Variants in SEC14L5 observed in about 807,000 individuals in gnomAD.
The protein encoded by SEC14L5 is SEC14-like protein 5.
A neutral mutation model predicts 84.6 loss-of-function variants in SEC14L5; 96 were observed. The ratio of observed to expected loss-of-function variants is 1.13; its 90% CI spans 0.96 to 1.34. The LOEUF (loss-of-function observed/expected upper bound fraction) is 1.34, where lower values mean the gene tolerates loss of function less well. Among genes scored for constraint, SEC14L5 ranks in the 40% most tolerant of loss-of-function variants. The pLI, the probability that SEC14L5 is intolerant of heterozygous loss-of-function variation, is 0.00. For missense variants in SEC14L5, 1,224 were observed against 942.5 expected, an observed-to-expected ratio of 1.30 and a Z score of -3.91; for synonymous variants, 546 against 383.4, an observed-to-expected ratio of 1.42 and a Z score of -4.95.
At chr16:4,968,857 G>A (rs1955237738) in intron 2 of SEC14L5, among the ~76,000 whole-genome samples, 1 of 152,224 alleles carries the variant, frequency 6.6e-6, no homozygotes, top group African/African-American at 2.4e-5. Context: ...CTGTCCTTCA[G>A]CAATTACATG....
chr16:4,980,631 G>A (rs2142494673), intron 2 of SEC14L5, among the ~76,000 whole-genome samples: 1 of 152,310 alleles, frequency 6.6e-6, no homozygotes, highest in Non-Finnish European at 1.5e-5. Flanking sequence ...GCACAGGTAT[G>A]AGGTTGTGCT....
chr16:4,989,307 T>TG (rs1334176634), intron 4 of SEC14L5, among the ~76,000 whole-genome samples: 9 of 144,260 alleles, frequency 6.2e-5, no homozygotes, highest in South Asian at 2.3e-4. Context: ...TGTTTTTTTT[T>TG]TTGTTTGTTT....
In SEC14L5 at chr16:4,959,255, A is replaced by G; in HGVS notation, c.-51-18A>G. 7.9e-7 allele frequency: 1 copy of G among 1,258,856 alleles called. No homozygotes were observed. Among genetic ancestry groups the G allele is most frequent in the African/African-American group, 1.5e-5 (1 of 67,984 alleles). 78.0% of individuals were successfully genotyped at this position (1,258,856 alleles called of 1,614,324 possible). ...CCGAGGTGGGAGCTGCAACCTCACCAGTCACTCCTCGCCCCAGGCTCTGTG... is the reference window on the plus strand; with the variant it reads ...CCGAGGTGGGAGCTGCAACCTCACCGGTCACTCCTCGCCCCAGGCTCTGTG... On this transcript the variant is annotated intron_variant, in intron 1 of 15. Coordinates refer to ENST00000251170, the MANE Select transcript of SEC14L5 (RefSeq NM_014692.2).
In SEC14L5 at chr16:5,001,591, C is replaced by G. The variant is rs116841448; in HGVS notation, c.1130+666C>G. On this transcript the variant is annotated intron_variant, in intron 10 of 15. Coordinates refer to ENST00000251170, the MANE Select transcript of SEC14L5 (RefSeq NM_014692.2). ...GCTTTTTGAGATCAGCTCTCCACCACGAGTTCTCCCTTGGCTCTGTCATGG... is the reference window on the plus strand; with the variant it reads ...GCTTTTTGAGATCAGCTCTCCACCAGGAGTTCTCCCTTGGCTCTGTCATGG... 1.0e-3 allele frequency among the ~76,000 whole-genome samples: 153 copies of G among 152,184 alleles called. 3 individuals carry two copies. The South Asian group carries it at 0.018, about 18-fold the overall frequency.
At chr16:4,992,127 C>A in intron 6 of SEC14L5, 97 bp downstream of exon 6, 1 of 843,450 alleles carries the variant, frequency 1.2e-6, no homozygotes, top group Non-Finnish European at 1.8e-6. Context: ...GAATTGCCTG[C>A]CGTCCCCCCT....
In SEC14L5 at chr16:5,015,279, C is replaced by T. The variant is rs868026173; in HGVS notation, c.*309C>T. ...CGGGCTTAGCGACGTCAGCCAGGCCCATCTCCTCTCTGTCCACCTCTTGCT... is the reference window on the plus strand; with the variant it reads ...CGGGCTTAGCGACGTCAGCCAGGCCTATCTCCTCTCTGTCCACCTCTTGCT... On this transcript the variant is annotated 3_prime_UTR_variant, in exon 16 of 16. Transcript: ENST00000251170. 3.0e-4 allele frequency: 102 copies of T among 337,166 alleles called. No individual in the cohort carries two copies. Among genetic ancestry groups the T allele is most frequent in the African/African-American group, 1.9e-3 (92 of 48,326 alleles). 20.9% of individuals were successfully genotyped at this position (337,166 alleles called of 1,614,324 possible). A position where few individuals can be genotyped will look rare whatever the true frequency, so the allele number is the denominator to read the frequency against.
At chr16:4,984,499 T>G (rs1250022466) in intron 2 of SEC14L5, among the ~76,000 whole-genome samples, 1 of 152,270 alleles carries the variant, frequency 6.6e-6, no homozygotes, top group Non-Finnish European at 1.5e-5. Flanking sequence ...TATAAATATT[T>G]GTGTATTTTT....
intron 4 of SEC14L5, among the ~76,000 whole-genome samples, chr16:4,988,585 T>A (rs1955520730): frequency 1.3e-5 from 2 of 152,160 alleles, no homozygotes; most frequent in South Asian, 2.1e-4. Context: ...AACCCTATCC[T>A]CTCCCTCCTC....
Position 5,018,811 on chromosome 16 carries a change from C to T in SEC14L5, c.*3841C>T, listed in dbSNP as rs1955901843. ...TTTGAGACTCTTTTTTTCTACCCTG[C>T]ACTCTCTGGAATTCCCCCTCCCTGC... On this transcript the variant is annotated 3_prime_UTR_variant, in exon 16 of 16. Coordinates refer to ENST00000251170, the MANE Select transcript of SEC14L5 (RefSeq NM_014692.2). The T allele has an allele frequency of 6.6e-6, 1 of 152,134 alleles. No individual in the cohort carries two copies. The highest frequency in any genetic ancestry group is 2.1e-4 in the South Asian group (1 of 4,832). 9.4% of individuals were successfully genotyped at this position (152,134 alleles called of 1,614,324 possible). A position where few individuals can be genotyped will look rare whatever the true frequency, so the allele number is the denominator to read the frequency against.
chr16:4,995,852 C>T (rs185493920), intron 6 of SEC14L5, among the ~76,000 whole-genome samples: 23 of 152,202 alleles, frequency 1.5e-4, no homozygotes, highest in Non-Finnish European at 2.9e-4. Flanking sequence ...TCCCAAAATC[C>T]TGACTTCAAG....
At chr16:5,013,550 CTTTTTT>C (rs869041446) in intron 15 of SEC14L5, among the ~76,000 whole-genome samples, 37 of 44,958 alleles carry the variant, frequency 8.2e-4, no homozygotes, top group African/African-American at 3.2e-3. Flanking sequence ...GCTTGCCTGG[CTTTTTT>C]TTTTTTTTTT....
intron 2 of SEC14L5, among the ~76,000 whole-genome samples, chr16:4,981,197 A>G (rs187126143): frequency 3.3e-5 from 5 of 149,600 alleles, no homozygotes; most frequent in Admixed American, 3.3e-4. Flanking sequence ...ACTCACTGCA[A>G]TCTCTGCCTC....
chr16:5,008,389 G>A (rs373670044), intron 13 of SEC14L5, 32 bp from the exon 14 acceptor site: 27 of 1,521,400 alleles, frequency 1.8e-5, no homozygotes, highest in Middle Eastern at 2.0e-4. Context: ...TCTCTCGGCC[G>A]TGACTCTCAG....
At chr16:4,982,776 A>T (rs1361884628) in intron 2 of SEC14L5, among the ~76,000 whole-genome samples, 3 of 152,182 alleles carry the variant, frequency 2.0e-5, no homozygotes. Context: ...GCAACAGGGC[A>T]CTGAGAGGTT....
At chr16:4,984,791 A>G (rs1227550731) in intron 2 of SEC14L5, among the ~76,000 whole-genome samples, 1 of 152,224 alleles carries the variant, frequency 6.6e-6, no homozygotes, top group Non-Finnish European at 1.5e-5. Flanking sequence ...CTAGTGACTA[A>G]TGATGTTGAA....
In SEC14L5 at chr16:5,000,877, G is replaced by A; in HGVS notation, c.1082G>A (p.Gly361Glu). The A allele has an allele frequency of 6.2e-7, 1 of 1,608,584 alleles. No homozygotes were observed. Among genetic ancestry groups the A allele is most frequent in the Non-Finnish European group, 8.5e-7 (1 of 1,177,642 alleles). ...CAGGTTCTCTCCGTCAACGAGGAAG[G>A]ACAGAAGCGGTGTGAGGGGAGCACA... The part of the protein sequence containing the change: ...LRHVLSVNEE[G>E]QKRCEGSTRQ... The change falls in exon 10 of 16, where the codon GGA (glycine) becomes GAA (glutamate). Residue 361 changes from glycine to glutamate, a missense_variant. Physicochemically the swap from Gly to Glu is moderately conservative, Grantham distance 98. Coordinates refer to ENST00000251170, the MANE Select transcript of SEC14L5 (RefSeq NM_014692.2).
intron 2 of SEC14L5, 110 bp downstream of exon 2, chr16:4,959,496 G>A (rs549977268): frequency 1.1e-6 from 1 of 919,892 alleles, no homozygotes; most frequent in African/African-American, 1.6e-5. Flanking sequence ...GAAGGAATTA[G>A]TGAGTTACTC....
intron 2 of SEC14L5, among the ~76,000 whole-genome samples, chr16:4,960,172 G>C (rs1876350): frequency 0.58 from 88,208 of 152,008 alleles, 26,630 homozygotes; most frequent in East Asian, 0.79. Context: ...CTTCTTGGCT[G>C]CATCCCTCTG....
rs865952209 is a variant in SEC14L5, at chr16:4,995,905, C to T, written c.668-443C>T. 1.8e-4 allele frequency among the ~76,000 whole-genome samples: 28 copies of T among 152,096 alleles called. 1 individual carries two copies. Among genetic ancestry groups the T allele is most frequent in the Admixed American group, 8.5e-4 (13 of 15,268 alleles). On this transcript the variant is annotated intron_variant, in intron 6 of 15. Transcript: ENST00000251170. Reference sequence around the variant, plus strand: ...GCTCCCAAAGTCCTGGGATTACAGTCGTGAGCCACCACTCACAGCAGTTTT... The same window carrying T: ...GCTCCCAAAGTCCTGGGATTACAGTTGTGAGCCACCACTCACAGCAGTTTT...
Sources: gnomAD v4.1 joint callset for allele counts (sites outside exome capture counted in the v4.1 genomes callset) on GRCh38, gnomAD v4.1.1 for gene constraint, MANE v1.5 for transcripts, NCBI Gene and HGNC (gene_info 2026-07-23, HGNC 2026-07-21) for gene names.